Variants in ZRANB3 observed in about 807,000 individuals in gnomAD.
The protein encoded by ZRANB3 is zinc finger RANBP2-type containing 3, also known as DNA annealing helicase and endonuclease ZRANB3.
A neutral mutation model predicts 133.8 loss-of-function variants in ZRANB3; 125 were observed. The observed-to-expected ratio is 0.93, with a 90% confidence interval of 0.81 to 1.08. ZRANB3 has a LOEUF of 1.08. Among genes scored for constraint, ZRANB3 ranks in the 50% least tolerant of loss-of-function variants. The pLI, the probability that ZRANB3 is intolerant of heterozygous loss-of-function variation, is 0.00. For synonymous variants in ZRANB3, 387 were observed against 432.7 expected (o/e 0.89, Z 1.31); for missense variants, 1,229 against 1,275.5 (o/e 0.96, Z 0.56).
intron 2 of ZRANB3, among the ~76,000 whole-genome samples, chr2:135,448,922 C>T (rs180890346): frequency 1.1e-4 from 17 of 152,326 alleles, no homozygotes; most frequent in Admixed American, 9.8e-4. Flanking sequence ...GACATTGACC[C>T]TCATCCTACT....
intron 19 of ZRANB3, among the ~76,000 whole-genome samples, chr2:135,204,482 T>G (rs113552970): frequency 6.6e-6 from 1 of 151,446 alleles, no homozygotes; most frequent in African/African-American, 2.4e-5. Context: ...CTCTTCAATA[T>G]CCTAAATTTG....
At chr2:135,379,934 C>A (rs1686610434) in intron 3 of ZRANB3, among the ~76,000 whole-genome samples, 1 of 151,992 alleles carries the variant, frequency 6.6e-6, no homozygotes, top group African/African-American at 2.4e-5. Context: ...TGCAAAGACA[C>A]ACATAAGCTC....
At chr2:135,344,644 G>C (rs113735098) in intron 6 of ZRANB3, among the ~76,000 whole-genome samples, 9,333 of 152,218 alleles carry the variant, frequency 0.061, 570 homozygotes, top group African/African-American at 0.16. Flanking sequence ...GGCTGAGGCA[G>C]GAGAATTGCT....
chr2:135,302,158 T>C (rs1183203622), intron 8 of ZRANB3, among the ~76,000 whole-genome samples: 1 of 152,240 alleles, frequency 6.6e-6, no homozygotes, highest in East Asian at 1.9e-4. Flanking sequence ...AGGTAAACTG[T>C]ATTATTCACA....
At position 135,322,175 on chromosome 2, in the gene ZRANB3, T is replaced by C. The variant is rs187692550; in HGVS notation, c.678-6645A>G. On this transcript the variant is annotated intron_variant, in intron 6 of 20. Coordinates refer to ENST00000264159, the MANE Select transcript of ZRANB3 (RefSeq NM_032143.4). ...TGTCTTGCATATTGTCAAAAATCAA[T>C]TGATCACATATATGGGTCTATTTCT... is the stretch of plus-strand genomic sequence containing the variant. Among the ~76,000 whole-genome samples the C allele has an allele frequency of 4.3e-4, 65 of 152,332 alleles. No homozygotes were observed. The East Asian group carries it at 8.9e-3, about 21-fold the overall frequency.
chr2:135,434,242 C>A (rs1008413919), intron 2 of ZRANB3, among the ~76,000 whole-genome samples: 1 of 152,160 alleles, frequency 6.6e-6, no homozygotes, highest in Non-Finnish European at 1.5e-5. Flanking sequence ...TGAGGAAATA[C>A]GTTAGATGTC....
intron 3 of ZRANB3, among the ~76,000 whole-genome samples, chr2:135,381,714 T>A (rs2104912747): frequency 6.6e-6 from 1 of 152,312 alleles, no homozygotes; most frequent in Non-Finnish European, 1.5e-5. Flanking sequence ...CAGACTCCGC[T>A]GGTGATACCC....
At chr2:135,263,499 C>A (rs1465043245) in intron 12 of ZRANB3, among the ~76,000 whole-genome samples, 5 of 152,072 alleles carry the variant, frequency 3.3e-5, no homozygotes, top group African/African-American at 4.8e-5. Context: ...ACAACAACAA[C>A]AAAAATCCTA....
chr2:135,342,151 C>T (rs759899596), intron 6 of ZRANB3, among the ~76,000 whole-genome samples: 4 of 149,768 alleles, frequency 2.7e-5, no homozygotes, highest in African/African-American at 5.1e-5. Context: ...ATGTCTCCCC[C>T]GGACACCCAG....
rs377329317 is a variant in ZRANB3 at position 135,207,191 on chromosome 2, T to TAATA, written c.3009+239_3009+242dup. Among the ~76,000 whole-genome samples the TAATA allele has an allele frequency of 2.6e-3, 385 of 149,538 alleles. 1 individual carries two copies. The highest frequency in any genetic ancestry group is 6.6e-3 in the African/African-American group (267 of 40,742). On this transcript the variant is annotated intron_variant, in intron 19 of 20. Coordinates refer to ENST00000264159, the MANE Select transcript of ZRANB3 (RefSeq NM_032143.4). ...CAAAATAAATAAATAAATAAATAAA[T>TAATA]AATAAATAAATAAATAAATAAATAA...
chr2:135,215,984 G>C (rs1694291092), intron 17 of ZRANB3, among the ~76,000 whole-genome samples: 1 of 151,976 alleles, frequency 6.6e-6, no homozygotes, highest in African/African-American at 2.4e-5. Flanking sequence ...GAAAACCACT[G>C]TCCAAGAGAA....
At chr2:135,227,268 G>A (rs1163424043) in intron 14 of ZRANB3, among the ~76,000 whole-genome samples, 1 of 152,110 alleles carries the variant, frequency 6.6e-6, no homozygotes, top group Non-Finnish European at 1.5e-5. Flanking sequence ...ATAATGAATG[G>A]AATCAACCAA....
chr2:135,457,424 G>A (rs746059211), intron 2 of ZRANB3, among the ~76,000 whole-genome samples: 6 of 152,148 alleles, frequency 3.9e-5, no homozygotes, highest in Admixed American at 6.5e-5. Context: ...CCAATTAGGA[G>A]TGCATGAGGA....
At chr2:135,253,637 T>C (rs1679510308) in intron 12 of ZRANB3, among the ~76,000 whole-genome samples, 1 of 152,164 alleles carries the variant, frequency 6.6e-6, no homozygotes, top group Non-Finnish European at 1.5e-5. Context: ...CTGAATACTA[T>C]AGGTAACTGT....
chr2:135,315,947 A>T (rs186255703), intron 6 of ZRANB3, among the ~76,000 whole-genome samples: 1 of 152,250 alleles, frequency 6.6e-6, no homozygotes, highest in African/African-American at 2.4e-5. Context: ...CACCCAGAAC[A>T]TTTTCTGTGC....
chr2:135,246,785 G>T (rs757966293), intron 12 of ZRANB3, among the ~76,000 whole-genome samples: 1 of 152,178 alleles, frequency 6.6e-6, no homozygotes, highest in African/African-American at 2.4e-5. Flanking sequence ...GGTGAGAAGT[G>T]CTGGGAATAC....
intron 3 of ZRANB3, among the ~76,000 whole-genome samples, chr2:135,367,416 T>TCCCTGGAGGCCCTGTCTGTATCTG (rs1275061300): frequency 2.0e-5 from 3 of 152,192 alleles, no homozygotes; most frequent in African/African-American, 7.2e-5. Context: ...AGGACTTCAC[T>TCCCTGGAGGCCCTGTCTGTATCTG]CCCTGGAGGC....
chr2:135,235,609 C>T (rs1169264598), intron 12 of ZRANB3, among the ~76,000 whole-genome samples: 1 of 151,462 alleles, frequency 6.6e-6, no homozygotes, highest in Non-Finnish European at 1.5e-5. Context: ...GGGCTTCATC[C>T]CTGGGAAGCA....
At chr2:135,388,078 G>A (rs1687060922) in intron 3 of ZRANB3, among the ~76,000 whole-genome samples, 1 of 152,184 alleles carries the variant, frequency 6.6e-6, no homozygotes, top group Non-Finnish European at 1.5e-5. Context: ...CACATGGCTA[G>A]GGAGGCTCCA....
Sources: allele counts gnomAD v4.1 joint callset (sites outside exome capture counted in the v4.1 genomes callset), GRCh38; gene constraint gnomAD v4.1.1; transcripts MANE v1.5; gene names NCBI Gene and HGNC (gene_info 2026-07-23, HGNC 2026-07-21).